The following PCLO variants were observed in gnomAD, a reference collection of about 807,000 sequenced individuals.
PCLO encodes the protein piccolo presynaptic cytomatrix protein.
Under a neutral mutation model 427.5 loss-of-function variants are expected in PCLO, and 82 were observed. The ratio of observed to expected loss-of-function variants is 0.19; its 90% confidence interval spans 0.16 to 0.23. The LOEUF is 0.23. PCLO is among the 10% of genes least tolerant of loss of function. The pLI is 1.00. For missense variants in PCLO, 6,239 were observed against 6,115.9 expected (o/e 1.02, Z -0.67); for synonymous variants, 2,357 against 2,155.4 (o/e 1.09, Z -2.59).
At chr7:82,866,661 C>CAT (rs1241084797) in intron 10 of PCLO, among the ~76,000 whole-genome samples, 1 of 111,412 alleles carries the variant, frequency 9.0e-6, no homozygotes, top group Non-Finnish European at 1.7e-5. Context: ...TTTATACACA[C>CAT]ACACACACAC....
At chr7:82,989,408 T>C (rs2107830) in intron 3 of PCLO, among the ~76,000 whole-genome samples, 114,209 of 151,900 alleles carry the variant, frequency 0.75, 43,501 homozygotes, top group East Asian at 0.92. Context: ...TATTTTAAAA[T>C]AGAGAACTTG....
intron 3 of PCLO, among the ~76,000 whole-genome samples, chr7:83,113,142 ACAG>A (rs2116531276): frequency 6.6e-6 from 1 of 152,340 alleles, no homozygotes; most frequent in African/African-American, 2.4e-5. Flanking sequence ...CCTAATCGTT[ACAG>A]CAGCCCCACA....
chr7:82,950,146 T>G lies in PCLO; in HGVS notation c.10442A>C (p.Glu3481Ala). 6.2e-7 allele frequency: 1 copy of G among 1,610,666 alleles called. No homozygotes were observed. The highest frequency in any genetic ancestry group is 8.5e-7 in the Non-Finnish European group (1 of 1,179,376). ...SVQTDDEDQD[E>A]WDMPTRSRRK... ...CCTTGATCTAGTAGGCATATCCCAC[T>G]CATCCTGATCTTCATCATCAGTTTG... is the stretch of plus-strand genomic sequence containing the variant. Residue 3481 changes from glutamate (E) to alanine (A), a missense_variant, in exon 6 of 25, where the codon GAG becomes GCG. Glu to Ala is a moderately radical substitution (Grantham distance 107). Transcript: ENST00000333891.
At chr7:82,880,325 T>C (rs1793475178) in intron 9 of PCLO, 2 of 349,690 alleles carry the variant, frequency 5.7e-6, no homozygotes, top group South Asian at 4.4e-5. Flanking sequence ...CTTTAATGCA[T>C]AGTGGTTTTA....
At chr7:82,988,559 CT>C (rs1353328919) in intron 3 of PCLO, among the ~76,000 whole-genome samples, 1 of 139,646 alleles carries the variant, frequency 7.2e-6, no homozygotes, top group African/African-American at 2.9e-5. Flanking sequence ...TCCATTTAAC[CT>C]TATAACATGA....
At chr7:82,782,971 A>G (rs563821222) in intron 22 of PCLO, among the ~76,000 whole-genome samples, 1 of 152,340 alleles carries the variant, frequency 6.6e-6, no homozygotes, top group East Asian at 1.9e-4. Context: ...AGGTAAGTGC[A>G]TCTGACCCAC....
intron 3 of PCLO, among the ~76,000 whole-genome samples, chr7:83,005,530 G>T (rs1472934948): frequency 6.6e-6 from 1 of 151,502 alleles, no homozygotes; most frequent in Admixed American, 6.6e-5. Flanking sequence ...GCAATGTATT[G>T]TATACTTGAG....
At chr7:82,844,469 T>C (rs1168514538) in intron 13 of PCLO, among the ~76,000 whole-genome samples, 4 of 152,310 alleles carry the variant, frequency 2.6e-5, no homozygotes, top group Middle Eastern at 3.4e-3. Flanking sequence ...TGTATTTTTA[T>C]AGTTAAAAAA....
At chr7:82,925,948 G>C (rs924810334) in intron 6 of PCLO, among the ~76,000 whole-genome samples, 1 of 151,488 alleles carries the variant, frequency 6.6e-6, no homozygotes, top group African/African-American at 2.4e-5. Context: ...CAAACTCCTG[G>C]GCTCAAGAGA....
intron 22 of PCLO, among the ~76,000 whole-genome samples, chr7:82,771,715 T>C (rs964526903): frequency 6.6e-6 from 1 of 152,094 alleles, no homozygotes; most frequent in African/African-American, 2.4e-5. Context: ...TAATCTATTA[T>C]GTGATAATAA....
rs142307110 is a variant in PCLO, at chr7:83,084,377, A to G, written c.3300+49873T>C. Among the ~76,000 whole-genome samples the G allele has an allele frequency of 8.5e-3, 1,290 of 152,264 alleles. 12 individuals are homozygous for G. The highest frequency in any genetic ancestry group is 0.014 in the Non-Finnish European group (932 of 68,004). ...GCAGGAGATTGGGAGAAGTTTTCCAAATACAAATGAAATAATTCATTAAAA... is the reference window on the plus strand; with the variant it reads ...GCAGGAGATTGGGAGAAGTTTTCCAGATACAAATGAAATAATTCATTAAAA... On this transcript the variant is annotated intron_variant, in intron 3 of 24. Coordinates refer to ENST00000333891, the MANE Select transcript of PCLO (RefSeq NM_033026.6).
chr7:83,023,090 T>G (rs556096974), intron 3 of PCLO, among the ~76,000 whole-genome samples: 1 of 152,290 alleles, frequency 6.6e-6, no homozygotes, highest in African/African-American at 2.4e-5. Context: ...CTTCAAAAAC[T>G]GTTACCACTA....
rs771339450 is a variant in PCLO, at chr7:82,952,986, G to A, written c.7967C>T (p.Pro2656Leu). The A allele has an allele frequency of 5.0e-6, 8 of 1,613,882 alleles. No homozygotes were observed. Among genetic ancestry groups the A allele is most frequent in the South Asian group, 1.1e-5 (1 of 91,082 alleles). ...QTFSATPVTA[P>L]SSFQAAPTSV... ...TGTGGGAGCTGCTTGAAATGAAGAG[G>A]GTGCTGTGACAGGGGTAGCAGAAAA... The change falls in exon 5 of 25, where the codon CCC becomes CTC. Residue 2656 changes from proline to leucine, a missense_variant. By Grantham distance (98) the Pro-to-Leu change is moderately conservative. Around this residue, in one of 5 missense-constraint regions of PCLO, gnomAD observed 4,677 missense variants for 4,468.4 expected, o/e 1.05. Coordinates refer to ENST00000333891, the MANE Select transcript of PCLO (RefSeq NM_033026.6).
chr7:83,149,421 G>T (rs1792075217), intron 2 of PCLO, among the ~76,000 whole-genome samples: 1 of 151,906 alleles, frequency 6.6e-6, no homozygotes, highest in Non-Finnish European at 1.5e-5. Context: ...ACATTTCTTG[G>T]AATGACTATA....
At chr7:82,790,106 G>A (rs574743393) in intron 22 of PCLO, among the ~76,000 whole-genome samples, 7 of 151,890 alleles carry the variant, frequency 4.6e-5, no homozygotes, top group Admixed American at 2.0e-4. Context: ...CCTGCTTTTC[G>A]CACCTCTGCC....
At chr7:82,831,635 T>A (rs1022353431) in intron 16 of PCLO, among the ~76,000 whole-genome samples, 1 of 152,246 alleles carries the variant, frequency 6.6e-6, no homozygotes, top group African/African-American at 2.4e-5. Flanking sequence ...CTAAACTGAT[T>A]GGACAAAAGT....
At chr7:82,968,337 A>T (rs936579376) in intron 3 of PCLO, among the ~76,000 whole-genome samples, 3 of 152,118 alleles carry the variant, frequency 2.0e-5, no homozygotes, top group East Asian at 3.9e-4. Context: ...TATAAAAGTC[A>T]TTGGAAAGAA....
chr7:83,039,053 C>A (rs980596509), intron 3 of PCLO, among the ~76,000 whole-genome samples: 10 of 151,898 alleles, frequency 6.6e-5, no homozygotes, highest in African/African-American at 2.4e-4. Context: ...AGAGCCTTTG[C>A]TCATTTTTGA....
chr7:83,101,082 A>G (rs931556715), intron 3 of PCLO, among the ~76,000 whole-genome samples: 2 of 151,956 alleles, frequency 1.3e-5, no homozygotes, highest in African/African-American at 4.8e-5. Context: ...CCTTTACTAA[A>G]CTGATTAACA....
Sources: allele counts gnomAD v4.1 joint callset (sites outside exome capture counted in the v4.1 genomes callset), GRCh38; gene constraint gnomAD v4.1.1; regional missense constraint gnomAD v4.1.1; transcripts MANE v1.5; gene names NCBI Gene and HGNC (gene_info 2026-07-23, HGNC 2026-07-21).